Variants in MYO7B observed in about 807,000 individuals in gnomAD.
MYO7B encodes the protein myosin VIIB, also known as unconventional myosin-VIIb.
In MYO7B, 212 loss-of-function variants were observed where a neutral mutation model predicts 259.7. The ratio of observed to expected loss-of-function variants is 0.82; its 90% CI spans 0.73 to 0.91. The LOEUF (loss-of-function observed/expected upper bound fraction) is 0.91, where lower values mean the gene tolerates loss of function less well. Ranked by LOEUF, MYO7B falls within the 40% of genes least tolerant of loss-of-function variation. The pLI is 0.00. For missense variants in MYO7B, 2,732 were observed against 2,813.5 expected, an observed-to-expected ratio of 0.97 and a Z score of 0.66; for synonymous variants, 1,197 against 1,166.4, an observed-to-expected ratio of 1.03 and a Z score of -0.54.
chr2:127,634,184 G>A lies in MYO7B; in HGVS notation c.5520G>A (p.Glu1840=). Residue 1840 remains glutamate, a synonymous_variant, in exon 41 of 48, where the codon GAG becomes GAA. Transcript: ENST00000409816. Reference sequence around the variant, plus strand: ...GCTGCCTCTCTGTCCAGATGCTGGAGGTGGTTGCCAACACACGGGTGCGGG... The same window carrying A: ...GCTGCCTCTCTGTCCAGATGCTGGAAGTGGTTGCCAACACACGGGTGCGGG... ...YFPNDTSEML[E]VVANTRVRDV... 1 of 1,603,268 alleles carries A rather than the reference G, an allele frequency of 6.2e-7. No homozygotes were observed. Among genetic ancestry groups the A allele is most frequent in the Non-Finnish European group, 8.5e-7 (1 of 1,175,478 alleles).
In MYO7B at chr2:127,613,908, G is replaced by A. The variant is rs1295188369; in HGVS notation, c.3398+1305G>A. On this transcript the variant is annotated intron_variant, in intron 26 of 47. Coordinates refer to ENST00000409816, the MANE Select transcript of MYO7B (RefSeq NM_001393586.1). The surrounding 1 kb of genome is among the most constrained non-coding windows in gnomAD (Gnocchi z 4.3). ...GGGAAGATTTTATGTGCAAAATTTA[G>A]GACTCCTCTGATTGTCTTTATTCCA... 6.6e-6 allele frequency among the ~76,000 whole-genome samples: 1 copy of A among 152,114 alleles called. No homozygotes were observed. Among genetic ancestry groups the A allele is most frequent in the East Asian group, 1.9e-4 (1 of 5,192 alleles).
At chr2:127,582,143 G>T in intron 11 of MYO7B, 133 bp downstream of exon 11, 2 of 1,484,218 alleles carry the variant, frequency 1.3e-6, no homozygotes, top group Non-Finnish European at 1.8e-6. Context: ...CCTGCCTGGT[G>T]ACCATGGACT....
chr2:127,576,711 G>A lies in MYO7B; in HGVS notation c.849+3G>A. On this transcript the variant is annotated splice_donor_region_variant and intron_variant, in intron 8 of 47. Coordinates refer to ENST00000409816, the MANE Select transcript of MYO7B (RefSeq NM_001393586.1). This position sits in a 1 kb window ranked among gnomAD's most constrained non-coding sequence, Gnocchi z 4.9. ...CCGAGTACCACTACCTGACCATGGT[G>A]AGCTGCCCACCTGCCGCCTCCCAGT... 3 of 1,582,874 alleles carry A rather than the reference G, an allele frequency of 1.9e-6. No individual in the cohort carries two copies. The highest frequency in any genetic ancestry group is 1.3e-5 in the African/African-American group (1 of 74,232).
intron 1 of MYO7B, among the ~76,000 whole-genome samples, chr2:127,547,300 A>G (rs1693270462): frequency 6.6e-6 from 1 of 152,262 alleles, no homozygotes; most frequent in African/African-American, 2.4e-5. Flanking sequence ...ACTGTAACAC[A>G]TAAAAACAGG....
At position 127,590,010 on chromosome 2, in the gene MYO7B, G is replaced by C; in HGVS notation, c.1855-82G>C. 1 of 1,482,810 alleles carries C rather than the reference G, an allele frequency of 6.7e-7. No individual in the cohort carries two copies. The highest frequency in any genetic ancestry group is 9.1e-7 in the Non-Finnish European group (1 of 1,093,766). The allele number at this position is 1,482,810 out of a possible 1,614,324, so 91.9% of individuals were successfully genotyped here. A position where few individuals can be genotyped will look rare whatever the true frequency, so the allele number is the denominator to read the frequency against. On this transcript the variant is annotated intron_variant, in intron 15 of 47. Transcript: ENST00000409816. The surrounding 1 kb of genome is among the most constrained non-coding windows in gnomAD (Gnocchi z 4.6). Reference sequence around the variant, plus strand: ...CCACCCCACCTGTGGGGCCTTGGCCGCAACCCTTGCTGGCCTACAGGGTCA... The same window carrying C: ...CCACCCCACCTGTGGGGCCTTGGCCCCAACCCTTGCTGGCCTACAGGGTCA...
chr2:127,607,353 G>T lies in MYO7B; in HGVS notation c.2572G>T (p.Ala858Ser). Residue 858 changes from alanine to serine, a missense_variant, in exon 21 of 48, where the codon GCA becomes TCA. By Grantham distance (99) the Ala-to-Ser change is moderately conservative. This residue lies in a region of MYO7B where 1,906 missense variants were observed against 2,026.4 expected (regional missense o/e 0.94). Transcript: ENST00000409816. This position sits in a 1 kb window ranked among gnomAD's most constrained non-coding sequence, Gnocchi z 4.4. ...CCAGCAAGTCCAGGCCAAGAGGAGG[G>T]CAGTGGTGGTCATTCAGGCCCATGC... ...VRQQVQAKRRAVVVIQAHARG... is the reference protein window; with the variant it reads ...VRQQVQAKRRSVVVIQAHARG... 9 of 1,551,492 alleles carry T rather than the reference G, an allele frequency of 5.8e-6. No individual in the cohort carries two copies. Among genetic ancestry groups the T allele is most frequent in the Non-Finnish European group, 7.8e-6 (9 of 1,146,862 alleles).
In MYO7B at chr2:127,569,915, G is replaced by A. The variant is rs1165783666; in HGVS notation, c.592+5G>A. On this transcript the variant is annotated splice_donor_5th_base_variant and intron_variant, in intron 6 of 47. Coordinates refer to ENST00000409816, the MANE Select transcript of MYO7B (RefSeq NM_001393586.1). ...AAGCCAACCCCATCCTGGAGGGTAA[G>A]CATCACTCTGGGACCCGCCCTTCTC... is the stretch of plus-strand genomic sequence containing the variant. The A allele has an allele frequency of 7.5e-6, 12 of 1,610,354 alleles. No individual in the cohort carries two copies. In the Admixed American group the frequency reaches 1.8e-4, roughly 25 times the overall value.
At chr2:127,629,335 C>G (rs1252764077) in intron 34 of MYO7B, among the ~76,000 whole-genome samples, 1 of 152,200 alleles carries the variant, frequency 6.6e-6, no homozygotes, top group Admixed American at 6.5e-5. Flanking sequence ...TGGGGACTGC[C>G]AGCCTGTGCA....
chr2:127,591,392 C>G (rs965962437), intron 16 of MYO7B, among the ~76,000 whole-genome samples: 1 of 152,166 alleles, frequency 6.6e-6, no homozygotes, highest in Non-Finnish European at 1.5e-5. Flanking sequence ...GGCTGAAGCT[C>G]GGGGGTTAAG....
rs2435618 is a variant in MYO7B at position 127,637,048 on chromosome 2, G to A, written c.6327+135G>A. The A allele has an allele frequency of 1.1e-3, 1,580 of 1,442,972 alleles. 13 individuals carry two copies. In the African/African-American group the frequency reaches 0.018, roughly 17 times the overall value. The allele number at this position is 1,442,972 out of a possible 1,614,324, so 89.4% of individuals were successfully genotyped here. A position where few individuals can be genotyped will look rare whatever the true frequency, so the allele number is the denominator to read the frequency against. ...GGGCCCAGGCGGGGCCAGCAGATCT[G>A]GAGAGGGCCTGGGTGCATCCCCAGG... On this transcript the variant is annotated intron_variant, in intron 47 of 47. Transcript: ENST00000409816.
chr2:127,610,122 C>A, intron 24 of MYO7B, 106 bp downstream of exon 24: 1 of 1,440,898 alleles, frequency 6.9e-7, no homozygotes, highest in Non-Finnish European at 9.3e-7. Flanking sequence ...AGACCTGGAG[C>A]CCTGTCCTCA....
chr2:127,564,962 T>C (rs1197244375), intron 3 of MYO7B, among the ~76,000 whole-genome samples: 1 of 152,116 alleles, frequency 6.6e-6, no homozygotes. Context: ...CCTTTGTCCC[T>C]GGTCTGAAAT....
At chr2:127,536,830 C>T (rs1204141073) in intron 1 of MYO7B, among the ~76,000 whole-genome samples, 1 of 152,184 alleles carries the variant, frequency 6.6e-6, no homozygotes, top group Non-Finnish European at 1.5e-5. Context: ...ATCAGCCCAC[C>T]CCATCTCCCT....
rs1680546173 is a variant in MYO7B at position 127,615,756 on chromosome 2, T to G, written c.3398+3153T>G. ...GTATACTAGATCACGACTCTCACTCTTTCGGCCTGCAACATCTCTCCCTTT... is the reference window on the plus strand; with the variant it reads ...GTATACTAGATCACGACTCTCACTCGTTCGGCCTGCAACATCTCTCCCTTT... On this transcript the variant is annotated intron_variant, in intron 26 of 47. Transcript: ENST00000409816. This position sits in a 1 kb window ranked among gnomAD's most constrained non-coding sequence, Gnocchi z 4.4. 6.6e-6 allele frequency among the ~76,000 whole-genome samples: 1 copy of G among 151,954 alleles called. No individual in the cohort carries two copies. Among genetic ancestry groups the G allele is most frequent in the South Asian group, 2.1e-4 (1 of 4,814 alleles).
rs1349650113 is a variant in MYO7B at position 127,632,250 on chromosome 2, A to G, written c.5254A>G (p.Ser1752Gly). 5 of 1,611,614 alleles carry G rather than the reference A, an allele frequency of 3.1e-6. No individual in the cohort carries two copies. The highest frequency in any genetic ancestry group is 1.7e-5 in the Admixed American group (1 of 59,890). Residue 1752 changes from serine to glycine, a missense_variant, in exon 39 of 48, where the codon AGC (serine) becomes GGC (glycine). Transcript: ENST00000409816. ...KQLTHNSNRH[S>G]EERGWQLLWL... Reference sequence around the variant, plus strand: ...CTGACAAGTGCTACCCTTCAGGCACAGCGAAGAGCGGGGCTGGCAGCTGCT... The same window carrying G: ...CTGACAAGTGCTACCCTTCAGGCACGGCGAAGAGCGGGGCTGGCAGCTGCT...
intron 38 of MYO7B, 90 bp from the exon 39 acceptor site, chr2:127,632,156 A>C (rs1558853515): frequency 1.4e-6 from 2 of 1,444,342 alleles, no homozygotes; most frequent in Non-Finnish European, 1.9e-6. Flanking sequence ...GACCCCAGGC[A>C]GCTCTCACAT....
intron 1 of MYO7B, among the ~76,000 whole-genome samples, chr2:127,551,226 T>C (rs1398135935): frequency 6.6e-6 from 1 of 152,244 alleles, no homozygotes; most frequent in Non-Finnish European, 1.5e-5. Context: ...TGTCCTCTTG[T>C]CATCTCTTCA....
intron 7 of MYO7B, among the ~76,000 whole-genome samples, chr2:127,575,223 T>C (rs1331290458): frequency 1.3e-5 from 2 of 152,194 alleles, no homozygotes; most frequent in South Asian, 2.1e-4. Context: ...TTATCCCTAT[T>C]GTACAGATGA....
At position 127,607,123 on chromosome 2, in the gene MYO7B, C is replaced by T; in HGVS notation, c.2425-83C>T. The T allele has an allele frequency of 7.7e-7, 1 of 1,301,450 alleles. No individual in the cohort carries two copies. The allele number at this position is 1,301,450 out of a possible 1,614,324, so 80.6% of individuals were successfully genotyped here. On this transcript the variant is annotated intron_variant, in intron 20 of 47. Coordinates refer to ENST00000409816, the MANE Select transcript of MYO7B (RefSeq NM_001393586.1). The surrounding 1 kb of genome is among the most constrained non-coding windows in gnomAD (Gnocchi z 4.4). The stretch of plus-strand genomic sequence containing the variant: ...CAAAACTAACTGTAAATCTATCTTG[C>T]ACTGCCTCCTGGGGAGCACCCCTCT...
Sources: allele counts gnomAD v4.1 joint callset (sites outside exome capture counted in the v4.1 genomes callset), GRCh38; gene constraint gnomAD v4.1.1; regional missense constraint gnomAD v4.1.1; non-coding constraint Gnocchi (gnomAD v3.1); transcripts MANE v1.5; gene names NCBI Gene and HGNC (gene_info 2026-07-23, HGNC 2026-07-21).